Variants in PITPNB observed in about 807,000 individuals in gnomAD.
The protein encoded by PITPNB is phosphatidylinositol transfer protein beta.
In PITPNB, 16 loss-of-function variants were observed where a neutral mutation model predicts 45.9. That is an observed-to-expected ratio of 0.35 (90% CI 0.24 to 0.53). The LOEUF (loss-of-function observed/expected upper bound fraction) is 0.53, where lower values mean the gene tolerates loss of function less well. Among genes scored for constraint, PITPNB ranks in the 20% least tolerant of loss-of-function variants. The pLI, the probability that PITPNB is intolerant of heterozygous loss-of-function variation, is 0.93. For synonymous variants in PITPNB, 112 were observed against 108.9 expected (o/e 1.03, Z -0.18); for missense variants, 188 against 330.5 (o/e 0.57, Z 3.34).
Position 27,860,238 on chromosome 22 carries a change from C to T in PITPNB, c.538G>A (p.Glu180Lys). Residue 180 changes from glutamate (E) to lysine (K), a missense_variant, in exon 9 of 12, where the codon GAG (glutamate) becomes AAG (lysine). By Grantham distance (56) the Glu-to-Lys change is moderately conservative (BLOSUM62 1). Coordinates refer to ENST00000335272, the MANE Select transcript of PITPNB (RefSeq NM_012399.5). Reference protein sequence around the residue: ...RGPLGPNWKKELANSPDCPQM... With the variant: ...RGPLGPNWKKKLANSPDCPQM... Reference sequence around the variant, plus strand: ...GGACAGTCAGGGCTGTTTGCCAGCTCCTTCTAGATGAGAAAAATTGAAAAG... The same window carrying T: ...GGACAGTCAGGGCTGTTTGCCAGCTTCTTCTAGATGAGAAAAATTGAAAAG... The T allele has an allele frequency of 6.3e-7, 1 of 1,590,552 alleles. No homozygotes were observed. The highest frequency in any genetic ancestry group is 8.6e-7 in the Non-Finnish European group (1 of 1,164,704).
intron 1 of PITPNB, among the ~76,000 whole-genome samples, chr22:27,918,828 GGCCTGGGGGTGGGCCCAGACCCA>G (rs955403040): frequency 4.6e-5 from 7 of 152,192 alleles, no homozygotes; most frequent in South Asian, 2.1e-4. Context: ...CCCACCGGCG[GGCCTGGGGGTGGGCCCAGACCCA>G]GCCTGGGGGT....
intron 8 of PITPNB, among the ~76,000 whole-genome samples, chr22:27,863,538 C>CTAG (rs1934398461): frequency 6.6e-6 from 1 of 152,182 alleles, no homozygotes; most frequent in African/African-American, 2.4e-5. Context: ...TGCTGATGAA[C>CTAG]TCTAAGATAC....
intron 3 of PITPNB, among the ~76,000 whole-genome samples, chr22:27,899,958 T>A (rs896339910): frequency 6.6e-6 from 1 of 152,026 alleles, no homozygotes; most frequent in Non-Finnish European, 1.5e-5. Context: ...ATCCCAGCAC[T>A]TTGGGAGGCA....
chr22:27,889,553 C>G (rs1264401548), intron 7 of PITPNB, among the ~76,000 whole-genome samples: 1 of 152,158 alleles, frequency 6.6e-6, no homozygotes, highest in Non-Finnish European at 1.5e-5. Flanking sequence ...TCTACACATC[C>G]TCATGTCAGG....
chr22:27,918,720 C>T (rs1936167294), intron 1 of PITPNB, among the ~76,000 whole-genome samples: 1 of 152,200 alleles, frequency 6.6e-6, no homozygotes, highest in African/African-American at 2.4e-5. Context: ...CTTCAACCGG[C>T]AAGCCCATCT....
chr22:27,864,823 A>G (rs1204736851), intron 8 of PITPNB, among the ~76,000 whole-genome samples: 1 of 152,052 alleles, frequency 6.6e-6, no homozygotes, highest in African/African-American at 2.4e-5. Context: ...CTATAATCCC[A>G]GTTACTTGGA....
intron 7 of PITPNB, chr22:27,894,121 T>C (rs1935367978): frequency 6.5e-6 from 1 of 153,788 alleles, no homozygotes; most frequent in South Asian, 2.0e-4. Context: ...AAAGATACTC[T>C]ACACCAACCA....
intron 7 of PITPNB, among the ~76,000 whole-genome samples, chr22:27,877,912 T>C (rs1437734936): frequency 6.6e-6 from 1 of 152,152 alleles, no homozygotes; most frequent in Non-Finnish European, 1.5e-5. Flanking sequence ...ACCACAAGCA[T>C]TAGCAACTCC....
At chr22:27,919,052 C>A in intron 1 of PITPNB, 120 bp downstream of exon 1, 1 of 1,515,058 alleles carries the variant, frequency 6.6e-7, no homozygotes, top group Non-Finnish European at 9.1e-7. Flanking sequence ...GAGGGGGCGC[C>A]CGCAGGGAGG....
At chr22:27,860,273 T>C (rs1217060934) in intron 8 of PITPNB, 32 bp from the exon 9 acceptor site, 2 of 1,290,802 alleles carry the variant, frequency 1.5e-6, no homozygotes, top group Non-Finnish European at 1.1e-6. Flanking sequence ...GGAGAAATTA[T>C]GACTTAAATA....
chr22:27,903,013 A>G (rs546030702), intron 3 of PITPNB, among the ~76,000 whole-genome samples: 1 of 152,276 alleles, frequency 6.6e-6, no homozygotes, highest in South Asian at 2.1e-4. Flanking sequence ...CTATAGGCAA[A>G]CACCAAAATT....
chr22:27,878,678 A>G (rs753965758), intron 7 of PITPNB, among the ~76,000 whole-genome samples: 11 of 152,250 alleles, frequency 7.2e-5, no homozygotes, highest in Non-Finnish European at 2.9e-5. Flanking sequence ...AAGATTTGCT[A>G]CACAAATTAA....
chr22:27,902,004 G>GT (rs1690562296), intron 3 of PITPNB, among the ~76,000 whole-genome samples: 1 of 152,044 alleles, frequency 6.6e-6, no homozygotes, highest in South Asian at 2.1e-4. Context: ...GTAAATAATG[G>GT]TGAGTACGCA....
In PITPNB at chr22:27,853,478, G is replaced by T; in HGVS notation, c.*224C>A. On this transcript the variant is annotated 3_prime_UTR_variant, in exon 12 of 12. Transcript: ENST00000335272. ...TATCTGGATCTGTAGCTCTACATGC[G>T]CTTTATATACAGCTACAGACATATG... The T allele has an allele frequency of 2.9e-6, 2 of 680,624 alleles. No homozygotes were observed. Among genetic ancestry groups the T allele is most frequent in the Non-Finnish European group, 5.3e-6 (2 of 380,796 alleles). 42.2% of individuals were successfully genotyped at this position (680,624 alleles called of 1,614,324 possible). A position where few individuals can be genotyped will look rare whatever the true frequency, so the allele number is the denominator to read the frequency against.
At chr22:27,917,139 G>C (rs1936103717) in intron 1 of PITPNB, among the ~76,000 whole-genome samples, 1 of 152,188 alleles carries the variant, frequency 6.6e-6, no homozygotes, top group African/African-American at 2.4e-5. Context: ...AAAATAATTA[G>C]ACTTTGGGCA....
chr22:27,855,303 G>A (rs1190720707), intron 10 of PITPNB, among the ~76,000 whole-genome samples: 14 of 152,324 alleles, frequency 9.2e-5, no homozygotes, highest in African/African-American at 3.4e-4. Flanking sequence ...CAAGCCATGA[G>A]GGTGTGGGCC....
intron 6 of PITPNB, among the ~76,000 whole-genome samples, chr22:27,896,320 G>C (rs1456895400): frequency 6.6e-6 from 1 of 152,106 alleles, no homozygotes; most frequent in Non-Finnish European, 1.5e-5. Context: ...TCCTTGTCTC[G>C]GATAAAGAGA....
chr22:27,871,412 C>T (rs1396070074), intron 8 of PITPNB, among the ~76,000 whole-genome samples: 1 of 152,196 alleles, frequency 6.6e-6, no homozygotes, highest in Non-Finnish European at 1.5e-5. Flanking sequence ...TGGGTCTCAA[C>T]CTCATGCCCC....
intron 3 of PITPNB, among the ~76,000 whole-genome samples, chr22:27,900,213 A>T (rs1029190090): frequency 8.4e-5 from 8 of 95,682 alleles, no homozygotes; most frequent in South Asian, 8.0e-4. Context: ...AATAAAAAAT[A>T]AAAAAAAAAA....
Sources: allele counts gnomAD v4.1 joint callset (sites outside exome capture counted in the v4.1 genomes callset), GRCh38; gene constraint gnomAD v4.1.1; transcripts MANE v1.5; gene names NCBI Gene and HGNC (gene_info 2026-07-23, HGNC 2026-07-21).